Variants in USP43 observed in about 807,000 individuals in gnomAD.
USP43 encodes ubiquitin carboxyl-terminal hydrolase 43.
Under a neutral mutation model 90.7 loss-of-function variants are expected in USP43, and 33 were observed. That is an observed-to-expected ratio of 0.36 (90% CI 0.28 to 0.49). USP43 has a LOEUF of 0.49. Ranked by LOEUF, USP43 falls within the 20% of genes least tolerant of loss-of-function variation. The pLI, the probability that USP43 is intolerant of heterozygous loss-of-function variation, is 0.98. For missense variants in USP43, 1,274 were observed against 1,476.4 expected (o/e 0.86, Z 2.25); for synonymous variants, 598 against 615.8 (o/e 0.97, Z 0.43).
intron 9 of USP43, 35 bp downstream of exon 9, chr17:9,693,265 A>C (rs764122112): frequency 1.3e-6 from 2 of 1,541,632 alleles, no homozygotes; most frequent in Non-Finnish European, 1.8e-6. Context: ...TCAGCTAATG[A>C]ACCCTTTCTT....
chr17:9,695,041 C>G (rs1414125000), intron 9 of USP43, among the ~76,000 whole-genome samples: 1 of 152,196 alleles, frequency 6.6e-6, no homozygotes, highest in Non-Finnish European at 1.5e-5. Flanking sequence ...CTACAGTAAG[C>G]TGACCATCCT....
chr17:9,728,497 A>G lies in USP43; in HGVS notation c.2879A>G (p.Gln960Arg). The G allele has an allele frequency of 6.2e-7, 1 of 1,613,870 alleles. No individual in the cohort carries two copies. Among genetic ancestry groups the G allele is most frequent in the Non-Finnish European group, 8.5e-7 (1 of 1,179,824 alleles). The change falls in exon 15 of 15, where the codon CAG becomes CGG. Residue 960 changes from glutamine to arginine, a missense_variant. Physicochemically the swap from Gln to Arg is conservative, Grantham distance 43 (BLOSUM62 1). Around this residue, in one of 6 missense-constraint regions of USP43, gnomAD observed 353 missense variants for 329.7 expected, o/e 1.07. Transcript: ENST00000285199. This position sits in a 1 kb window ranked among gnomAD's most constrained non-coding sequence, Gnocchi z 6.2. ...GCCATGAACTGGAAGGAGAGCTTCC[A>G]GATGGGAAGCAAAAGCAGCCCACCC... ...QKAMNWKESFQMGSKSSPPSP... is the reference protein window; with the variant it reads ...QKAMNWKESFRMGSKSSPPSP...
chr17:9,711,142 A>T (rs1916171311), intron 13 of USP43, among the ~76,000 whole-genome samples: 1 of 152,186 alleles, frequency 6.6e-6, no homozygotes. Flanking sequence ...TTTATGGTGC[A>T]AAGTGTAGGC....
At chr17:9,682,091 T>C (rs1476156053) in intron 6 of USP43, among the ~76,000 whole-genome samples, 1 of 152,218 alleles carries the variant, frequency 6.6e-6, no homozygotes, top group Non-Finnish European at 1.5e-5. Flanking sequence ...GCTAGTCCAA[T>C]TCCTCTACTT....
chr17:9,714,247 G>A (rs948119581), intron 14 of USP43, among the ~76,000 whole-genome samples: 1 of 152,188 alleles, frequency 6.6e-6, no homozygotes, highest in East Asian at 1.9e-4. Flanking sequence ...ATCAGTACTT[G>A]TCCACAGCCC....
At chr17:9,675,697 A>C (rs1395937598) in intron 4 of USP43, among the ~76,000 whole-genome samples, 1 of 152,168 alleles carries the variant, frequency 6.6e-6, no homozygotes, top group African/African-American at 2.4e-5. Context: ...AAGACATAAC[A>C]TCTTCAGAGG....
chr17:9,680,512 A>G, intron 6 of USP43, 146 bp downstream of exon 6: 1 of 917,780 alleles, frequency 1.1e-6, no homozygotes. Context: ...TTGTGTGCAG[A>G]TGGTTGATAT....
intron 9 of USP43, 131 bp from the exon 10 acceptor site, chr17:9,700,041 G>A: frequency 1.2e-6 from 1 of 860,216 alleles, no homozygotes; most frequent in Non-Finnish European, 1.8e-6. Context: ...GCTGACCTTG[G>A]CTTACTGGCA....
chr17:9,650,436 T>TGGA (rs1911773464), intron 1 of USP43, among the ~76,000 whole-genome samples: 1 of 152,174 alleles, frequency 6.6e-6, no homozygotes, highest in Non-Finnish European at 1.5e-5. Flanking sequence ...AGAGTCTCAC[T>TGGA]CTGTCGCCCA....
At position 9,708,479 on chromosome 17, in the gene USP43, A is replaced by G. The variant is rs1216404334; in HGVS notation, c.2012-1477A>G. 2.0e-5 allele frequency among the ~76,000 whole-genome samples: 3 copies of G among 152,212 alleles called. No individual in the cohort carries two copies. The East Asian group carries it at 5.8e-4, about 29-fold the overall frequency. On this transcript the variant is annotated intron_variant, in intron 12 of 14. Transcript: ENST00000285199. ...GATATTCGAGACATAGTTTGGAAGT[A>G]GAATCAGTAGGTCTGGCTTTTGGAT...
intron 12 of USP43, among the ~76,000 whole-genome samples, chr17:9,707,384 C>T (rs1364401017): frequency 3.3e-5 from 5 of 152,104 alleles, no homozygotes; most frequent in East Asian, 1.9e-4. Flanking sequence ...CGGTGGCTCA[C>T]GCCTGTAATC....
chr17:9,716,122 G>A (rs1916554737), intron 14 of USP43, among the ~76,000 whole-genome samples: 1 of 143,478 alleles, frequency 7.0e-6, no homozygotes, highest in South Asian at 2.1e-4. Flanking sequence ...CTTTGTGTGA[G>A]TGTGTGATCT....
At position 9,714,088 on chromosome 17, in the gene USP43, G is replaced by A. The variant is rs948178429; in HGVS notation, c.2335+1956G>A. ...TTCACAATAGGCTTTGTGTTCCTATGAGAATCTAATACGCCTGCTGATCTG... is the reference window on the plus strand; with the variant it reads ...TTCACAATAGGCTTTGTGTTCCTATAAGAATCTAATACGCCTGCTGATCTG... On this transcript the variant is annotated intron_variant, in intron 14 of 14. Coordinates refer to ENST00000285199, the MANE Select transcript of USP43 (RefSeq NM_153210.5). Among the ~76,000 whole-genome samples, 5 of 152,150 alleles carry A rather than the reference G, an allele frequency of 3.3e-5. No individual in the cohort carries two copies. The East Asian group carries it at 9.6e-4, about 29-fold the overall frequency.
chr17:9,678,530 C>T lies in USP43; in HGVS notation c.969+1649C>T, dbSNP rs180828958. Among the ~76,000 whole-genome samples the T allele has an allele frequency of 2.1e-4, 32 of 152,062 alleles. No individual in the cohort carries two copies. In the Middle Eastern group the frequency reaches 0.014, roughly 65 times the overall value. ...TAATTTTTTGTATTTTTAGTAGAGA[C>T]GGGGTTTCACCATGTTGGCCAGGAT... On this transcript the variant is annotated intron_variant, in intron 5 of 14. Coordinates refer to ENST00000285199, the MANE Select transcript of USP43 (RefSeq NM_153210.5).
In USP43 at chr17:9,710,041, C is replaced by A; in HGVS notation, c.2097C>A (p.Thr699=). 6.3e-7 allele frequency: 1 copy of A among 1,575,446 alleles called. No individual in the cohort carries two copies. The highest frequency in any genetic ancestry group is 1.2e-5 in the South Asian group (1 of 85,222). The change falls in exon 13 of 15, where the codon ACC becomes ACA. Residue 699 remains threonine (T), a synonymous_variant. Coordinates refer to ENST00000285199, the MANE Select transcript of USP43 (RefSeq NM_153210.5). ...CGCTTCGAGAAGATGAGGTCAACACCAGAGGGGCTTATATCCTGTTCTATC... is the reference window on the plus strand; with the variant it reads ...CGCTTCGAGAAGATGAGGTCAACACAAGAGGGGCTTATATCCTGTTCTATC... The part of the protein sequence containing the change: ...VEPLREDEVN[T]RGAYILFYQK...
rs138323966 is a variant in USP43, at chr17:9,658,551, C to T, written c.636+2017C>T. Among the ~76,000 whole-genome samples the T allele has an allele frequency of 9.7e-4, 147 of 152,156 alleles. 1 individual carries two copies. Among genetic ancestry groups the T allele is most frequent in the Non-Finnish European group, 1.5e-3 (103 of 68,010 alleles). Reference sequence around the variant, plus strand: ...TCATTCCCAAAACATACAAATGAAACGAAGCAAACAATCACCACAGTAAAA... The same window carrying T: ...TCATTCCCAAAACATACAAATGAAATGAAGCAAACAATCACCACAGTAAAA... On this transcript the variant is annotated intron_variant, in intron 2 of 14. Transcript: ENST00000285199.
rs1291878687 is a variant in USP43 at position 9,656,777 on chromosome 17, A to AT, written c.636+247dup. On this transcript the variant is annotated intron_variant, in intron 2 of 14. Transcript: ENST00000285199. ...CCAGTGATATAATGAATAGAGTTTC[A>AT]TTTTGGCTCAAAATAAGAAAAGTCT... Among the ~76,000 whole-genome samples, 3 of 152,200 alleles carry AT rather than the reference A, an allele frequency of 2.0e-5. No homozygotes were observed. In the East Asian group the frequency reaches 5.8e-4, roughly 29 times the overall value.
At chr17:9,647,996 G>A (rs1911574340) in intron 1 of USP43, among the ~76,000 whole-genome samples, 1 of 152,210 alleles carries the variant, frequency 6.6e-6, no homozygotes, top group Non-Finnish European at 1.5e-5. Flanking sequence ...ACTCCAGCCT[G>A]GGCAACAGAG....
intron 9 of USP43, among the ~76,000 whole-genome samples, chr17:9,696,437 TC>T (rs1313682477): frequency 2.6e-5 from 4 of 151,990 alleles, no homozygotes. Flanking sequence ...CCTGGCCCCA[TC>T]CCTGGGTGAT....
Sources: allele counts gnomAD v4.1 joint callset (sites outside exome capture counted in the v4.1 genomes callset), GRCh38; gene constraint gnomAD v4.1.1; regional missense constraint gnomAD v4.1.1; non-coding constraint Gnocchi (gnomAD v3.1); transcripts MANE v1.5; gene names NCBI Gene and HGNC (gene_info 2026-07-23, HGNC 2026-07-21).